Variants in PTPRD observed in about 807,000 individuals in gnomAD.
PTPRD encodes receptor-type tyrosine-protein phosphatase delta.
PTPRD carries 34 observed loss-of-function variants against 214.5 expected under a neutral mutation model. The ratio of observed to expected loss-of-function variants is 0.16; its 90% CI spans 0.12 to 0.21. The LOEUF (loss-of-function observed/expected upper bound fraction) is 0.21, where lower values mean the gene tolerates loss of function less well. Among genes scored for constraint, PTPRD ranks in the 10% least tolerant of loss-of-function variants. The pLI, the probability that PTPRD is intolerant of heterozygous loss-of-function variation, is 1.00. For synonymous variants in PTPRD, 1,128 were observed against 845.7 expected (o/e 1.33, Z -5.79); for missense variants, 2,545 against 2,398.7 (o/e 1.06, Z -1.27).
chr9:9,892,943 G>T (rs2073865157), intron 5 of PTPRD, among the ~76,000 whole-genome samples: 1 of 152,072 alleles, frequency 6.6e-6, no homozygotes, highest in Non-Finnish European at 1.5e-5. Context: ...TATGGCGTAT[G>T]TTGGGAAAAT....
chr9:10,310,029 T>C (rs1271193142), intron 3 of PTPRD, among the ~76,000 whole-genome samples: 2 of 152,210 alleles, frequency 1.3e-5, no homozygotes, highest in East Asian at 1.9e-4. Flanking sequence ...CCCTGAGGTA[T>C]CATACAATCA....
intron 5 of PTPRD, among the ~76,000 whole-genome samples, chr9:9,855,465 A>C (rs527911682): frequency 3.9e-5 from 6 of 152,338 alleles, no homozygotes; most frequent in Admixed American, 6.5e-5. Flanking sequence ...AATAAAGAGA[A>C]TACTACTTGA....
At chr9:8,685,988 T>C (rs1034543154) in intron 12 of PTPRD, among the ~76,000 whole-genome samples, 1 of 152,222 alleles carries the variant, frequency 6.6e-6, no homozygotes, top group African/African-American at 2.4e-5. Context: ...ATCTGTCCAG[T>C]CTGGCTCTTG....
chr9:8,369,397 C>G (rs2080867382), intron 39 of PTPRD, among the ~76,000 whole-genome samples: 1 of 151,870 alleles, frequency 6.6e-6, no homozygotes, highest in South Asian at 2.1e-4. Context: ...CTTCCATATG[C>G]AAAGTCAAAA....
chr9:9,047,106 T>G (rs558626108), intron 10 of PTPRD, among the ~76,000 whole-genome samples: 1 of 152,298 alleles, frequency 6.6e-6, no homozygotes, highest in South Asian at 2.1e-4. Context: ...GTAGCATTTC[T>G]TTATGCCAAC....
At chr9:9,431,193 A>T (rs531941112) in intron 8 of PTPRD, among the ~76,000 whole-genome samples, 1 of 152,132 alleles carries the variant, frequency 6.6e-6, no homozygotes, top group Admixed American at 6.6e-5. Context: ...CAAAGAACTT[A>T]AACAAATTTA....
chr9:9,502,029 T>G (rs1004211453), intron 8 of PTPRD, among the ~76,000 whole-genome samples: 6 of 151,776 alleles, frequency 4.0e-5, no homozygotes, highest in Non-Finnish European at 7.4e-5. Flanking sequence ...TGGAGATACA[T>G]ACACACCCAT....
chr9:8,955,019 T>A (rs950505775), intron 11 of PTPRD, among the ~76,000 whole-genome samples: 1 of 151,740 alleles, frequency 6.6e-6, no homozygotes, highest in African/African-American at 2.4e-5. Flanking sequence ...AAAATGATAT[T>A]GAAAAATTAG....
chr9:9,811,251 A>G (rs1231057205), intron 5 of PTPRD, among the ~76,000 whole-genome samples: 1 of 152,178 alleles, frequency 6.6e-6, no homozygotes, highest in Non-Finnish European at 1.5e-5. Flanking sequence ...TCTAACCTTC[A>G]TGGATGGCTT....
intron 9 of PTPRD, among the ~76,000 whole-genome samples, chr9:9,373,181 T>C (rs2059972036): frequency 6.6e-6 from 1 of 152,112 alleles, no homozygotes; most frequent in African/African-American, 2.4e-5. Flanking sequence ...ACTGAAGACC[T>C]GGACTTTCTC....
intron 3 of PTPRD, among the ~76,000 whole-genome samples, chr9:10,099,501 T>G (rs1031003972): frequency 1.3e-5 from 2 of 151,762 alleles, no homozygotes; most frequent in African/African-American, 4.8e-5. Context: ...ATTTAAGTGG[T>G]TGATATTATT....
chr9:9,745,340 T>A (rs973980245), intron 6 of PTPRD, among the ~76,000 whole-genome samples: 1 of 152,146 alleles, frequency 6.6e-6, no homozygotes, highest in Non-Finnish European at 1.5e-5. Context: ...CTGACTACTT[T>A]TTTTGTTAAG....
At chr9:10,030,100 G>A (rs1009622112) in intron 4 of PTPRD, among the ~76,000 whole-genome samples, 1 of 152,130 alleles carries the variant, frequency 6.6e-6, no homozygotes, top group Non-Finnish European at 1.5e-5. Context: ...ATGATTGTGA[G>A]GCCTCCCCAG....
At chr9:10,144,138 G>C (rs1333125376) in intron 3 of PTPRD, among the ~76,000 whole-genome samples, 1 of 151,952 alleles carries the variant, frequency 6.6e-6, no homozygotes, top group Non-Finnish European at 1.5e-5. Context: ...GAGAATAAAT[G>C]AATGTATTAT....
intron 11 of PTPRD, among the ~76,000 whole-genome samples, chr9:8,760,497 AT>A (rs1402264947): frequency 6.6e-6 from 1 of 151,856 alleles, no homozygotes; most frequent in Admixed American, 6.6e-5. Flanking sequence ...CCACCTACTC[AT>A]TTTCTATTTC....
intron 11 of PTPRD, among the ~76,000 whole-genome samples, chr9:8,846,745 G>A (rs1224871470): frequency 6.6e-6 from 1 of 152,088 alleles, no homozygotes; most frequent in Non-Finnish European, 1.5e-5. Context: ...GAAGGAGTGG[G>A]GAAGAGAAAA....
chr9:8,720,839 G>A (rs1438977416), intron 12 of PTPRD, among the ~76,000 whole-genome samples: 4 of 152,052 alleles, frequency 2.6e-5, no homozygotes, highest in African/African-American at 9.7e-5. Flanking sequence ...TAACTACAAT[G>A]AACCTGGATA....
intron 8 of PTPRD, among the ~76,000 whole-genome samples, chr9:9,418,126 G>C (rs1280819965): frequency 6.6e-6 from 1 of 152,022 alleles, no homozygotes; most frequent in Non-Finnish European, 1.5e-5. Context: ...CATAAGACTT[G>C]CATGGCATCT....
intron 11 of PTPRD, among the ~76,000 whole-genome samples, chr9:8,807,485 CAAACAAACA>C (rs1319090989): frequency 6.6e-6 from 1 of 151,832 alleles, no homozygotes. Context: ...TCACTATAAT[CAAACAAACA>C]AAGCAACTAC....
Sources: allele counts gnomAD v4.1 joint callset (sites outside exome capture counted in the v4.1 genomes callset), GRCh38; gene constraint gnomAD v4.1.1; transcripts MANE v1.5; gene names NCBI Gene and HGNC (gene_info 2026-07-23, HGNC 2026-07-21).